EYS: variants seen among roughly 807,000 people sequenced by gnomAD.
The protein encoded by EYS is EGF-like photoreceptor maintenance factor.
EYS carries 250 observed loss-of-function variants against 282.1 expected under a neutral mutation model. That is an observed-to-expected ratio of 0.89 (90% CI 0.80 to 0.98). The LOEUF (loss-of-function observed/expected upper bound fraction) is 0.98. EYS is among the 50% of genes least tolerant of loss of function. The pLI is 0.00. For synonymous variants in EYS, 1,355 were observed against 1,282.9 expected, an observed-to-expected ratio of 1.06 and a Z score of -1.20; for missense variants, 4,016 against 3,709.0, an observed-to-expected ratio of 1.08 and a Z score of -2.15.
chr6:64,624,542 A>T (rs1767542761), intron 23 of EYS, among the ~76,000 whole-genome samples: 1 of 152,174 alleles, frequency 6.6e-6, no homozygotes, highest in Admixed American at 6.6e-5. Context: ...TGTTACCTGC[A>T]AGAGTTCCCA....
rs144411502 is a variant in EYS, at chr6:65,342,903, G to A, written c.1599+1135C>T. On this transcript the variant is annotated intron_variant, in intron 10 of 42. Transcript: ENST00000503581. Reference sequence around the variant, plus strand: ...CAACAAATATGATTTGCTTGTTCCTGACAAAGGTTTACAGTTACTGAATTA... The same window carrying A: ...CAACAAATATGATTTGCTTGTTCCTAACAAAGGTTTACAGTTACTGAATTA... 3.0e-3 allele frequency among the ~76,000 whole-genome samples: 454 copies of A among 150,976 alleles called. 4 individuals carry two copies. The highest frequency in any genetic ancestry group is 9.9e-3 in the African/African-American group (410 of 41,420).
intron 24 of EYS, among the ~76,000 whole-genome samples, chr6:64,602,830 T>C (rs1190549006): frequency 6.6e-6 from 1 of 152,062 alleles, no homozygotes; most frequent in Non-Finnish European, 1.5e-5. Context: ...TTTGAAAATT[T>C]AGCAATTGGA....
chr6:64,157,186 TTCCAATTTCATCCATG>T (rs1774956268), intron 31 of EYS, among the ~76,000 whole-genome samples: 1 of 151,946 alleles, frequency 6.6e-6, no homozygotes, highest in Non-Finnish European at 1.5e-5. Context: ...GAATGATGAT[TTCCAATTTCATCCATG>T]TCCCTACAAA....
At chr6:64,712,380 T>C (rs541990380) in intron 22 of EYS, among the ~76,000 whole-genome samples, 4 of 152,308 alleles carry the variant, frequency 2.6e-5, no homozygotes, top group South Asian at 2.1e-4. Flanking sequence ...TTCAGAAAGA[T>C]AGCTTTAGCA....
At chr6:64,056,068 C>T (rs912506958) in intron 33 of EYS, among the ~76,000 whole-genome samples, 1 of 152,146 alleles carries the variant, frequency 6.6e-6, no homozygotes, top group Non-Finnish European at 1.5e-5. Context: ...CAAGTCCAGA[C>T]TCCCCTTACA....
chr6:64,465,069 C>T (rs1419826165), intron 26 of EYS, among the ~76,000 whole-genome samples: 2 of 151,518 alleles, frequency 1.3e-5, no homozygotes, highest in Non-Finnish European at 3.0e-5. Context: ...GATAAAAGAC[C>T]TGTACATTGA....
In EYS at chr6:63,720,428, C is replaced by A; in HGVS notation, c.*168G>T. ...ATAAATTAGATGTAGGAAAAACAAT[C>A]AGAACCTTCAGTGACATTTTACAAT... On this transcript the variant is annotated 3_prime_UTR_variant, in exon 43 of 43. Transcript: ENST00000503581. 1.8e-6 allele frequency: 1 copy of A among 545,510 alleles called. No individual in the cohort carries two copies. The highest frequency in any genetic ancestry group is 3.7e-5 in the Admixed American group (1 of 26,812). The allele number at this position is 545,510 out of a possible 1,614,324, so 33.8% of individuals were successfully genotyped here.
Position 64,985,534 on chromosome 6 carries a change from G to A in EYS, c.2259+12048C>T, listed in dbSNP as rs536358839. The stretch of plus-strand genomic sequence containing the variant: ...TTCTATCTTCTTTTATTGAAATTAA[G>A]TCAAACTCTAAGTGAGGTCTAAAAA... On this transcript the variant is annotated intron_variant, in intron 14 of 42. Transcript: ENST00000503581. Among the ~76,000 whole-genome samples the A allele has an allele frequency of 5.7e-4, 87 of 151,526 alleles. 1 individual carries two copies. Among genetic ancestry groups the A allele is most frequent in the African/African-American group, 2.1e-3 (87 of 41,436 alleles).
intron 26 of EYS, among the ~76,000 whole-genome samples, chr6:64,504,001 G>A (rs1777133296): frequency 6.6e-6 from 1 of 152,116 alleles, no homozygotes; most frequent in Admixed American, 6.5e-5. Context: ...CACAATGATT[G>A]TATGTTTCCT....
chr6:64,922,916 C>G (rs577009084), intron 15 of EYS, among the ~76,000 whole-genome samples: 1 of 152,246 alleles, frequency 6.6e-6, no homozygotes, highest in South Asian at 2.1e-4. Flanking sequence ...ATTCTTTATC[C>G]AGCATCCCAA....
At chr6:65,629,500 A>C (rs1306914767) in intron 2 of EYS, among the ~76,000 whole-genome samples, 2 of 152,196 alleles carry the variant, frequency 1.3e-5, no homozygotes, top group African/African-American at 4.8e-5. Flanking sequence ...AAGAATCCTG[A>C]ATTCCAGCAG....
chr6:64,026,321 A>C (rs1183666851), intron 33 of EYS, among the ~76,000 whole-genome samples: 2 of 152,190 alleles, frequency 1.3e-5, no homozygotes, highest in Non-Finnish European at 2.9e-5. Flanking sequence ...GGGAAGAAAC[A>C]AAACAAACCA....
intron 1 of EYS, among the ~76,000 whole-genome samples, chr6:65,644,607 T>A (rs563201109): frequency 6.6e-6 from 1 of 152,240 alleles, no homozygotes; most frequent in South Asian, 2.1e-4. Flanking sequence ...CCTAGGCACA[T>A]AGTCATTAGG....
intron 26 of EYS, among the ~76,000 whole-genome samples, chr6:64,520,387 T>C (rs888664040): frequency 6.6e-6 from 1 of 151,684 alleles, no homozygotes; most frequent in Non-Finnish European, 1.5e-5. Context: ...TTACCAACTA[T>C]AGAAGGGCCA....
Position 65,293,452 on chromosome 6 carries a change from G to A in EYS, c.2023+2411C>T, listed in dbSNP as rs1768581577. ...TCCTGTAGGATTCACTCAAGCATAT[G>A]GCCTTACCAAATGAATGTATCAGCT... is the stretch of plus-strand genomic sequence containing the variant. On this transcript the variant is annotated intron_variant, in intron 12 of 42. Transcript: ENST00000503581. 3.3e-5 allele frequency among the ~76,000 whole-genome samples: 5 copies of A among 151,868 alleles called. 1 individual carries two copies. The highest frequency in any genetic ancestry group is 3.4e-3 in the Middle Eastern group (1 of 294).
chr6:64,760,452 C>T (rs1261082961), intron 22 of EYS, among the ~76,000 whole-genome samples: 1 of 151,992 alleles, frequency 6.6e-6, no homozygotes, highest in Non-Finnish European at 1.5e-5. Flanking sequence ...TGTAACGCTG[C>T]CATAGAGTAA....
chr6:64,677,561 G>C (rs62418021), intron 22 of EYS, among the ~76,000 whole-genome samples: 16,911 of 152,070 alleles, frequency 0.11, 1,114 homozygotes, highest in East Asian at 0.16. Flanking sequence ...TTTGACTGAT[G>C]ATTTAAGATG....
intron 26 of EYS, among the ~76,000 whole-genome samples, chr6:64,456,961 G>A: frequency 6.6e-6 from 1 of 151,920 alleles, no homozygotes; most frequent in East Asian, 1.9e-4. Context: ...TCTGAAAAGT[G>A]TGTAAAGCCA....
intron 29 of EYS, among the ~76,000 whole-genome samples, chr6:64,380,176 G>T (rs1473839057): frequency 2.0e-5 from 3 of 152,038 alleles, no homozygotes; most frequent in Admixed American, 6.6e-5. Flanking sequence ...CTCTCTGAGG[G>T]TAAAGATTTT....
Sources: gnomAD v4.1 joint callset for allele counts (sites outside exome capture counted in the v4.1 genomes callset) on GRCh38, gnomAD v4.1.1 for gene constraint, MANE v1.5 for transcripts, NCBI Gene and HGNC (gene_info 2026-07-23, HGNC 2026-07-21) for gene names.